AGBL5: variants seen among roughly 807,000 people sequenced by gnomAD.
The protein encoded by AGBL5 is AGBL carboxypeptidase 5.
AGBL5 carries 51 observed loss-of-function variants against 88.0 expected under a neutral mutation model. The ratio of observed to expected loss-of-function variants is 0.58; its 90% CI spans 0.46 to 0.73. The LOEUF (loss-of-function observed/expected upper bound fraction) is 0.73. Ranked by LOEUF, AGBL5 falls within the 30% of genes least tolerant of loss-of-function variation. The probability of loss-of-function intolerance (pLI) is 0.00; values close to 1 mark genes in which losing one functional copy is unlikely to be tolerated. For synonymous variants in AGBL5, 446 were observed against 438.8 expected, an observed-to-expected ratio of 1.02 and a Z score of -0.21; for missense variants, 1,031 against 1,162.2, an observed-to-expected ratio of 0.89 and a Z score of 1.64.
At chr2:27,050,755 T>A (rs1029491305), upstream of AGBL5, among the ~76,000 whole-genome samples, 2 of 152,162 alleles carry the variant, frequency 1.3e-5, no homozygotes, top group African/African-American at 4.8e-5. Flanking sequence ...ATTAGAGGGC[T>A]ATCAGCAGCA....
At chr2:27,055,043 T>C (rs1246242310) in intron 5 of AGBL5, 32 bp from the exon 6 acceptor site, 8 of 1,602,372 alleles carry the variant, frequency 5.0e-6, no homozygotes, top group Non-Finnish European at 6.8e-6. Context: ...ACAGGGTAAC[T>C]GACTTAATGT....
Position 27,053,022 on chromosome 2 carries a change from G to T in AGBL5, c.64G>T (p.Val22Leu), listed in dbSNP as rs768906875. The change falls in exon 2 of 15, where the codon GTG becomes TTG. Residue 22 changes from valine (V) to leucine (L), a missense_variant. This residue lies in a region of AGBL5 where 540 missense variants were observed against 678.2 expected (regional missense o/e 0.80). Coordinates refer to ENST00000360131, the MANE Select transcript of AGBL5 (RefSeq NM_021831.6). This position sits in a 1 kb window ranked among gnomAD's most constrained non-coding sequence, Gnocchi z 4.9. ...CTTTGATTCAGGGAATCTAGCCCAC[G>T]TGGAGAAGGTGGAATCTTTGTCCAG... The part of the protein sequence containing the change: ...SRFDSGNLAH[V>L]EKVESLSSDG... 1.2e-6 allele frequency: 2 copies of T among 1,613,772 alleles called. No individual in the cohort carries two copies. Among genetic ancestry groups the T allele is most frequent in the Non-Finnish European group, 1.7e-6 (2 of 1,179,852 alleles).
At chr2:27,067,853 A>C in intron 12 of AGBL5, 1 of 669,000 alleles carries the variant, frequency 1.5e-6, no homozygotes, top group African/African-American at 1.8e-5. Flanking sequence ...AACATTTACT[A>C]TGTGCCAGGC....
upstream of AGBL5, among the ~76,000 whole-genome samples, chr2:27,050,703 T>C (rs11680096): frequency 0.52 from 79,068 of 152,104 alleles, 22,412 homozygotes; most frequent in East Asian, 0.76. Context: ...TTCCTTCAGC[T>C]GGAGAAAGCG....
intron 13 of AGBL5, 146 bp downstream of exon 13, chr2:27,068,890 C>T: frequency 6.7e-7 from 1 of 1,497,492 alleles, no homozygotes; most frequent in South Asian, 1.3e-5. Context: ...TGCCTGAGTG[C>T]CTGTCTGTCC....
rs769821257 is a variant in AGBL5 at position 27,057,396 on chromosome 2, G to A, written c.1629G>A (p.Pro543=). 30 of 1,613,230 alleles carry A rather than the reference G, an allele frequency of 1.9e-5. No homozygotes were observed. Among genetic ancestry groups the A allele is most frequent in the Admixed American group, 1.8e-4 (11 of 59,902 alleles). Residue 543 remains proline, a synonymous_variant, in exon 9 of 15, where the codon CCG becomes CCA. Coordinates refer to ENST00000360131, the MANE Select transcript of AGBL5 (RefSeq NM_021831.6). The part of the protein sequence containing the change: ...HDNGRASPPP[P]PAFPSRYTVE... ...ATGGGCGTGCCAGCCCCCCTCCCCC[G>A]CCGGCTTTCCCCTCCAGATACACTG...
upstream of AGBL5, among the ~76,000 whole-genome samples, chr2:27,050,777 C>G (rs72808940): frequency 2.6e-5 from 4 of 152,212 alleles, no homozygotes; most frequent in East Asian, 3.8e-4. Flanking sequence ...CTTATCGCAG[C>G]GGAGCCTTCG....
At chr2:27,065,269 T>C (rs1293695993) in intron 11 of AGBL5, among the ~76,000 whole-genome samples, 4 of 152,212 alleles carry the variant, frequency 2.6e-5, no homozygotes, top group Non-Finnish European at 5.9e-5. Flanking sequence ...TGTTCCTCTG[T>C]GATGAGGAAG....
Position 27,069,642 on chromosome 2 carries a change from T to C in AGBL5, c.2425T>C (p.Ser809Pro), listed in dbSNP as rs1470802906. 6.2e-7 allele frequency: 1 copy of C among 1,613,906 alleles called. No individual in the cohort carries two copies. Among genetic ancestry groups the C allele is most frequent in the Non-Finnish European group, 8.5e-7 (1 of 1,180,000 alleles). The change falls in exon 14 of 15, where the codon TCC becomes CCC. Residue 809 changes from serine to proline, a missense_variant. Ser to Pro is a moderately conservative substitution (Grantham distance 74, BLOSUM62 -1). Transcript: ENST00000360131. Reference protein sequence around the residue: ...RGMKGSSGPTSPTPRTRESSE... With the variant: ...RGMKGSSGPTPPTPRTRESSE... Reference sequence around the variant, plus strand: ...GATGAAAGGCTCTTCAGGCCCCACATCCCCTACCCCCCGGACCAGGGAGAG... The same window carrying C: ...GATGAAAGGCTCTTCAGGCCCCACACCCCCTACCCCCCGGACCAGGGAGAG...
In AGBL5 at chr2:27,069,485, C is replaced by G. The variant is rs968930374; in HGVS notation, c.2356-88C>G. The G allele has an allele frequency of 3.2e-6, 5 of 1,561,082 alleles. No individual in the cohort carries two copies. The South Asian group carries it at 3.6e-5, about 11-fold the overall frequency. ...CTCTACTGATCCCTATACTACAACA[C>G]TCTTATGCATGGAAACTCTAGAAGC... On this transcript the variant is annotated intron_variant, in intron 13 of 14. Transcript: ENST00000360131.
chr2:27,054,750 A>G lies in AGBL5; in HGVS notation c.672A>G (p.Leu224=), dbSNP rs1210599330. The G allele has an allele frequency of 6.2e-7, 1 of 1,613,874 alleles. No homozygotes were observed. The highest frequency in any genetic ancestry group is 1.1e-5 in the South Asian group (1 of 91,066). Residue 224 remains leucine, a synonymous_variant, in exon 5 of 15, where the codon CTA becomes CTG. Transcript: ENST00000360131. ...HGLREDREPR[L]EQLFPDTSTP... ...TTCGAGAAGATCGAGAGCCCCGTCT[A>G]GAGCAGCTATTTCCTGATACCAGCA...
Position 27,069,677 on chromosome 2 carries a change from G to A in AGBL5, c.2460G>A (p.Leu820=). The change falls in exon 14 of 15, where the codon CTG becomes CTA. Residue 820 remains leucine, a synonymous_variant. Coordinates refer to ENST00000360131, the MANE Select transcript of AGBL5 (RefSeq NM_021831.6). ...CCCGGACCAGGGAGAGCAGTGAGCT[G>A]GAGCTGGGATCCTGCTCTGCTACAC... ...PTPRTRESSE[L]ELGSCSATPG... is the part of the protein sequence containing the mutation. 1 of 1,614,152 alleles carries A rather than the reference G, an allele frequency of 6.2e-7. No individual in the cohort carries two copies. The highest frequency in any genetic ancestry group is 1.3e-5 in the African/African-American group (1 of 75,028).
At chr2:27,059,142 G>T in intron 10 of AGBL5, 48 bp from the exon 11 acceptor site, 2 of 1,579,426 alleles carry the variant, frequency 1.3e-6, no homozygotes, top group South Asian at 2.3e-5. Flanking sequence ...GAAAGCCTTA[G>T]GACACAACCT....
rs780688721 is a variant in AGBL5 at position 27,058,388 on chromosome 2, A to T, written c.1672-12A>T. The T allele has an allele frequency of 6.2e-7, 1 of 1,612,522 alleles. No individual in the cohort carries two copies. The highest frequency in any genetic ancestry group is 1.1e-5 in the South Asian group (1 of 90,984). On this transcript the variant is annotated splice_polypyrimidine_tract_variant and intron_variant, in intron 9 of 14. Coordinates refer to ENST00000360131, the MANE Select transcript of AGBL5 (RefSeq NM_021831.6). ...GGACCAGCATGCTGAGCCAAACTGG[A>T]CTACCCCACAGGTGGGACGAGCTAT...
intron 7 of AGBL5, 86 bp downstream of exon 7, chr2:27,056,224 C>T: frequency 7.0e-7 from 1 of 1,423,144 alleles, no homozygotes; most frequent in Middle Eastern, 1.8e-4. Context: ...GGAAGATAGC[C>T]TTAGGTAGCT....
chr2:27,066,029 CA>C (rs1204852270), intron 11 of AGBL5, among the ~76,000 whole-genome samples: 11 of 152,168 alleles, frequency 7.2e-5, no homozygotes, highest in African/African-American at 2.4e-4. Flanking sequence ...GGAACTGAAG[CA>C]GGAGGATCGC....
Position 27,053,234 on chromosome 2 carries a change from T to C in AGBL5, c.215+61T>C. 1 of 1,533,968 alleles carries C rather than the reference T, an allele frequency of 6.5e-7. No homozygotes were observed. Among genetic ancestry groups the C allele is most frequent in the Non-Finnish European group, 8.8e-7 (1 of 1,133,262 alleles). On this transcript the variant is annotated intron_variant, in intron 2 of 14. Transcript: ENST00000360131. This position sits in a 1 kb window ranked among gnomAD's most constrained non-coding sequence, Gnocchi z 4.9. ...CAAACCCATGCTTCAGTTAGCCCTCTGACTTATCTGTTCATACCCAGCATA... is the reference window on the plus strand; with the variant it reads ...CAAACCCATGCTTCAGTTAGCCCTCCGACTTATCTGTTCATACCCAGCATA...
In AGBL5 at chr2:27,055,232, G is replaced by A. The variant is rs1422435260; in HGVS notation, c.887G>A (p.Gly296Asp). 2.5e-6 allele frequency: 4 copies of A among 1,614,182 alleles called. No homozygotes were observed. The South Asian group carries it at 3.3e-5, about 13-fold the overall frequency. Residue 296 changes from glycine (G) to aspartate (D), a missense_variant, in exon 6 of 15, where the codon GGT (glycine) becomes GAT (aspartate). By Grantham distance (94) the Gly-to-Asp change is moderately conservative (BLOSUM62 -1). This residue lies in a region of AGBL5 where 540 missense variants were observed against 678.2 expected (regional missense o/e 0.80). Transcript: ENST00000360131. ...CTGATTCCCATGTTGAACCCCGATG[G>A]TGTGGTCCGGGGACACTACCGGTAA... ...FKLIPMLNPDGVVRGHYRTDS... is the reference protein window; with the variant it reads ...FKLIPMLNPDDVVRGHYRTDS...
At chr2:27,059,677 C>A in intron 11 of AGBL5, 1 of 651,172 alleles carries the variant, frequency 1.5e-6, no homozygotes, top group Non-Finnish European at 2.5e-6. Context: ...GAAACACTAG[C>A]TGAAGCAGTG....
Sources: allele counts gnomAD v4.1 joint callset (sites outside exome capture counted in the v4.1 genomes callset), GRCh38; gene constraint gnomAD v4.1.1; regional missense constraint gnomAD v4.1.1; non-coding constraint Gnocchi (gnomAD v3.1); transcripts MANE v1.5; gene names NCBI Gene and HGNC (gene_info 2026-07-23, HGNC 2026-07-21).